The following SPC25 variants were observed in gnomAD, a reference collection of about 807,000 sequenced individuals.
The protein encoded by SPC25 is kinetochore protein Spc25.
SPC25 carries 22 observed loss-of-function variants against 29.6 expected under a neutral mutation model. That is an observed-to-expected ratio of 0.74 (90% CI 0.53 to 1.06). The LOEUF (loss-of-function observed/expected upper bound fraction) is 1.06, where lower values mean the gene tolerates loss of function less well. Ranked by LOEUF, SPC25 falls within the 50% of genes least tolerant of loss-of-function variation. The pLI is 0.00. For missense variants in SPC25, 230 were observed against 255.8 expected (o/e 0.90, Z 0.69); for synonymous variants, 91 against 90.4 (o/e 1.01, Z -0.04).
At chr2:168,885,717 C>T (rs1404674037) in intron 3 of SPC25, among the ~76,000 whole-genome samples, 1 of 152,214 alleles carries the variant, frequency 6.6e-6, no homozygotes, top group Non-Finnish European at 1.5e-5. Context: ...CATCCCTAAC[C>T]CTCCTTTATG....
intron 5 of SPC25, among the ~76,000 whole-genome samples, chr2:168,875,128 G>A (rs778638327): frequency 1.3e-5 from 2 of 152,070 alleles, no homozygotes; most frequent in Non-Finnish European, 2.9e-5. Context: ...CAAAGAAAAT[G>A]GGAAAGTCTA....
In SPC25 at chr2:168,871,400, A is replaced by G; in HGVS notation, c.*31T>C. 1 of 1,559,646 alleles carries G rather than the reference A, an allele frequency of 6.4e-7. No individual in the cohort carries two copies. The highest frequency in any genetic ancestry group is 2.3e-5 in the East Asian group (1 of 44,100). ...AAGAGATATGTAATAGAGAAGAAAA[A>G]TAAACCGTTTTTATATACACTATTT... On this transcript the variant is annotated 3_prime_UTR_variant, in exon 7 of 7. Coordinates refer to ENST00000282074, the MANE Select transcript of SPC25 (RefSeq NM_020675.4).
Position 168,871,497 on chromosome 2 carries a change from C to T in SPC25, c.609G>A (p.Lys203=), listed in dbSNP as rs1439807650. ...CAAGAAAAGCTGAAAAATTGTTGGT[C>T]TTCCTTACATTCTCTTGAAATTCTG... ...GLAEFQENVR[K]TNNFSAFLAN... The change falls in exon 7 of 7, where the codon AAG becomes AAA. Residue 203 remains lysine, a synonymous_variant. Coordinates refer to ENST00000282074, the MANE Select transcript of SPC25 (RefSeq NM_020675.4). The T allele has an allele frequency of 6.2e-7, 1 of 1,610,078 alleles. No individual in the cohort carries two copies.
chr2:168,863,339 A>AAAGAT, intron 4 of SPC25: 2 of 902,368 alleles, frequency 2.2e-6, no homozygotes, highest in Non-Finnish European at 2.7e-6. Context: ...AAAATGTAGA[A>AAAGAT]AAGATAGAAA....
chr2:168,864,294 T>TTCTGAGACAGAGTC (rs1689703891), intron 4 of SPC25, among the ~76,000 whole-genome samples: 2 of 151,616 alleles, frequency 1.3e-5, no homozygotes, highest in South Asian at 2.1e-4. Flanking sequence ...TGTTTTTTTT[T>TTCTGAGACAGAGTC]TTCTGAGACA....
At chr2:168,867,151 T>C (rs952282873), downstream of SPC25, among the ~76,000 whole-genome samples, 1 of 152,164 alleles carries the variant, frequency 6.6e-6, no homozygotes, top group South Asian at 2.1e-4. Context: ...TTATAAATCA[T>C]GCTGCTATAA....
rs753933433 is a variant in SPC25 at position 168,877,295 on chromosome 2, C to G, written c.289G>C (p.Glu97Gln). The change falls in exon 4 of 7, where the codon GAA becomes CAA. Residue 97 changes from glutamate to glutamine, a missense_variant. Glu to Gln is a conservative substitution (Grantham distance 29). Coordinates refer to ENST00000282074, the MANE Select transcript of SPC25 (RefSeq NM_020675.4). ...TCCTGGATATTTGCAGTCAGTACTT[C>G]CAATTCCTGCTTTTTGCCTTTTACT... ...AEVKGKKQEL[E>Q]VLTANIQDLK... 3.0e-5 allele frequency: 48 copies of G among 1,613,778 alleles called. 1 individual carries two copies. The South Asian group carries it at 4.8e-4, about 16-fold the overall frequency.
At chr2:168,888,775 A>T (rs111587117) in intron 3 of SPC25, among the ~76,000 whole-genome samples, 2,432 of 148,808 alleles carry the variant, frequency 0.016, 58 homozygotes, top group African/African-American at 0.055. Flanking sequence ...ATATATATAT[A>T]TTTTAATTTT....
downstream of SPC25, among the ~76,000 whole-genome samples, chr2:168,866,665 G>C (rs1404608688): frequency 1.3e-5 from 2 of 152,248 alleles, no homozygotes; most frequent in South Asian, 2.1e-4. Context: ...CACAGCAAAA[G>C]AAACCACCAT....
downstream of SPC25, among the ~76,000 whole-genome samples, chr2:168,868,634 C>G (rs1689917171): frequency 6.6e-6 from 1 of 152,122 alleles, no homozygotes; most frequent in Non-Finnish European, 1.5e-5. Context: ...TCGACACATA[C>G]ACTCTCCCAA....
At chr2:168,872,987 G>T (rs1255484105) in intron 6 of SPC25, among the ~76,000 whole-genome samples, 1 of 151,958 alleles carries the variant, frequency 6.6e-6, no homozygotes, top group Non-Finnish European at 1.5e-5. Context: ...CTTGTACAGG[G>T]GCATTAGAAG....
At chr2:168,885,645 T>C (rs1265773017) in intron 3 of SPC25, among the ~76,000 whole-genome samples, 1 of 149,616 alleles carries the variant, frequency 6.7e-6, no homozygotes. Context: ...CAAGCTCTCA[T>C]GTTCCTGCCA....
downstream of SPC25, among the ~76,000 whole-genome samples, chr2:168,866,393 A>G (rs1280667551): frequency 2.0e-5 from 3 of 152,292 alleles, no homozygotes; most frequent in Non-Finnish European, 4.4e-5. Context: ...TCCCTATTTA[A>G]TAAATGGTGC....
chr2:168,868,767 T>C (rs200914246), downstream of SPC25, among the ~76,000 whole-genome samples: 2 of 152,216 alleles, frequency 1.3e-5, no homozygotes, highest in African/African-American at 4.8e-5. Context: ...AGCTGAATTC[T>C]ACCAGAGGTA....
At chr2:168,865,818 T>TA in intron 4 of SPC25, among the ~76,000 whole-genome samples, 1 of 152,270 alleles carries the variant, frequency 6.6e-6, no homozygotes, top group Admixed American at 6.5e-5. Context: ...CATTCTTATA[T>TA]ACACCAATAA....
intron 4 of SPC25, among the ~76,000 whole-genome samples, chr2:168,862,309 T>C (rs1367416426): frequency 1.3e-5 from 2 of 152,192 alleles, no homozygotes; most frequent in South Asian, 2.1e-4. Context: ...GTTTTATTGG[T>C]ATTCCCATTT....
At chr2:168,879,628 T>C (rs1281749456) in intron 3 of SPC25, among the ~76,000 whole-genome samples, 1 of 152,216 alleles carries the variant, frequency 6.6e-6, no homozygotes, top group East Asian at 1.9e-4. Context: ...CTCTTGTTCA[T>C]GTTGATATTT....
At chr2:168,874,428 C>T (rs1383123637) in intron 5 of SPC25, among the ~76,000 whole-genome samples, 2 of 152,114 alleles carry the variant, frequency 1.3e-5, no homozygotes, top group Non-Finnish European at 2.9e-5. Flanking sequence ...AACTGTATGC[C>T]AATGTTCATA....
chr2:168,871,589 T>C, intron 6 of SPC25, 34 bp from the exon 7 acceptor site: 1 of 1,535,580 alleles, frequency 6.5e-7, no homozygotes, highest in Non-Finnish European at 8.7e-7. Context: ...CAAAGACAAT[T>C]AGAATGAGTT....
Sources: allele counts gnomAD v4.1 joint callset (sites outside exome capture counted in the v4.1 genomes callset), GRCh38; gene constraint gnomAD v4.1.1; transcripts MANE v1.5; gene names NCBI Gene and HGNC (gene_info 2026-07-23, HGNC 2026-07-21).